The following PTPRS variants were observed in gnomAD, a reference collection of about 807,000 sequenced individuals.
The protein encoded by PTPRS is protein tyrosine phosphatase receptor type S.
Under a neutral mutation model 215.3 loss-of-function variants are expected in PTPRS, and 63 were observed. The ratio of observed to expected loss-of-function variants is 0.29; its 90% confidence interval spans 0.24 to 0.36. The LOEUF (loss-of-function observed/expected upper bound fraction) is 0.36, where lower values mean the gene tolerates loss of function less well. Ranked by LOEUF, PTPRS falls within the 10% of genes least tolerant of loss-of-function variation. PTPRS has a pLI of 1.00. For synonymous variants in PTPRS, 1,404 were observed against 1,191.4 expected (o/e 1.18, Z -3.68); for missense variants, 2,258 against 2,825.8 (o/e 0.80, Z 4.56).
rs1261015396 is a variant in PTPRS, at chr19:5,231,323, G to A, written c.2142C>T (p.Arg714=). The A allele has an allele frequency of 3.7e-6, 6 of 1,608,570 alleles. No homozygotes were observed. In the Middle Eastern group the frequency reaches 5.0e-4, roughly 134 times the overall value. The change falls in exon 14 of 38, where the codon CGC becomes CGT. Residue 714 remains arginine, a synonymous_variant. Transcript: ENST00000262963. ...GCAGGTACTTACCATCCTCGTCGGTGCGGACGACCACGGGCGAGCTCTCGG... is the reference window on the plus strand; with the variant it reads ...GCAGGTACTTACCATCCTCGTCGGTACGGACGACCACGGGCGAGCTCTCGG... ...PGPESSPVVV[R]TDEDVPSAPP... is the part of the protein sequence containing the mutation.
intron 1 of PTPRS, among the ~76,000 whole-genome samples, chr19:5,304,521 C>T (rs182172764): frequency 1.5e-4 from 23 of 151,974 alleles, no homozygotes; most frequent in Admixed American, 1.2e-3. Context: ...TGGTGGTGCA[C>T]GCCTGTAGTC....
At chr19:5,240,448 C>A (rs182808221) in intron 11 of PTPRS, 116 bp from the exon 12 acceptor site, 126 of 1,108,646 alleles carry the variant, frequency 1.1e-4, no homozygotes, top group African/African-American at 8.1e-4. Flanking sequence ...CTAGAATGTT[C>A]TTTTATTTTC....
At chr19:5,234,912 C>A (rs974542355) in intron 13 of PTPRS, among the ~76,000 whole-genome samples, 3 of 151,492 alleles carry the variant, frequency 2.0e-5, no homozygotes, top group Non-Finnish European at 1.5e-5. Context: ...AAGGGCCTTA[C>A]GGAATGTTAA....
In PTPRS at chr19:5,245,876, G is replaced by A; in HGVS notation, c.888C>T (p.Asn296=). The change falls in exon 10 of 38, where the codon AAC becomes AAT. Residue 296 remains asparagine (N), a synonymous_variant. Coordinates refer to ENST00000262963, the MANE Select transcript of PTPRS (RefSeq NM_002850.4). The stretch of plus-strand genomic sequence containing the variant: ...CCTTGACATCTGTGAGTTCCAGCAC[G>A]TTCCGACCCACGGGCATGTCATCCT... ...TPEDDMPVGR[N]VLELTDVKDS... 4 of 1,614,088 alleles carry A rather than the reference G, an allele frequency of 2.5e-6. No homozygotes were observed. Among genetic ancestry groups the A allele is most frequent in the Non-Finnish European group, 2.5e-6 (3 of 1,180,008 alleles).
At chr19:5,268,606 G>A (rs996278569) in intron 4 of PTPRS, among the ~76,000 whole-genome samples, 40 of 152,064 alleles carry the variant, frequency 2.6e-4, no homozygotes, top group African/African-American at 8.0e-4. Flanking sequence ...CCAGGATTAC[G>A]AGAGAGCGGC....
chr19:5,245,701 C>T, intron 10 of PTPRS, 75 bp downstream of exon 10: 1 of 1,498,978 alleles, frequency 6.7e-7, no homozygotes. Context: ...CCCACGCTGC[C>T]TCCCACCTGT....
At chr19:5,313,044 A>G (rs1731583846) in intron 1 of PTPRS, among the ~76,000 whole-genome samples, 1 of 152,190 alleles carries the variant, frequency 6.6e-6, no homozygotes, top group Non-Finnish European at 1.5e-5. Context: ...CCTCCCAAGT[A>G]GCTGGAATAA....
rs149934681 is a variant in PTPRS, at chr19:5,214,603, C to T, written c.4452G>A (p.Ser1484=). The T allele has an allele frequency of 3.4e-5, 55 of 1,612,550 alleles. No homozygotes were observed. The highest frequency in any genetic ancestry group is 2.7e-4 in the Admixed American group (16 of 60,016). Residue 1484 remains serine, a synonymous_variant, in exon 29 of 38, where the codon TCG becomes TCA. Transcript: ENST00000262963. ...GCCGCGTCATCATGACGATGGTCGC[C>T]GACCGCTGCTCCCACACCATACGCC... ...DFWRMVWEQR[S]ATIVMMTRLE... is the part of the protein sequence containing the mutation.
chr19:5,273,716 C>A, intron 3 of PTPRS, 133 bp from the exon 4 acceptor site: 2 of 1,140,384 alleles, frequency 1.8e-6, no homozygotes, highest in Non-Finnish European at 1.2e-6. Context: ...GGGAGAATTG[C>A]TGCAGGCTGA....
At position 5,224,595 on chromosome 19, in the gene PTPRS, C is replaced by T. The variant is rs921715488; in HGVS notation, c.2494+1132G>A. Among the ~76,000 whole-genome samples the T allele has an allele frequency of 5.9e-5, 9 of 152,208 alleles. No individual in the cohort carries two copies. The South Asian group carries it at 1.9e-3, about 31-fold the overall frequency. On this transcript the variant is annotated intron_variant, in intron 17 of 37. Coordinates refer to ENST00000262963, the MANE Select transcript of PTPRS (RefSeq NM_002850.4). ...TACATGAAAATGGACTTCTCTACTGCAGGACTTATCAGGGCCTTGAATGGA... is the reference window on the plus strand; with the variant it reads ...TACATGAAAATGGACTTCTCTACTGTAGGACTTATCAGGGCCTTGAATGGA...
chr19:5,274,307 G>C lies in PTPRS; in HGVS notation c.129C>G (p.Ile43Met). Residue 43 changes from isoleucine (I) to methionine (M), a missense_variant, in exon 3 of 38, where the codon ATC (isoleucine) becomes ATG (methionine). Physicochemically the swap from Ile to Met is conservative, Grantham distance 10. Around this residue, in one of 6 missense-constraint regions of PTPRS, gnomAD observed 508 missense variants for 799.4 expected, o/e 0.64. Coordinates refer to ENST00000262963, the MANE Select transcript of PTPRS (RefSeq NM_002850.4). ...AAGAGGCCACACCCCCCGACACGCC[G>C]ATCTGGTCCTTGGGTTCTTTGATAA... ...PRFIKEPKDQ[I>M]GVSGGVASFV... The C allele has an allele frequency of 6.2e-7, 1 of 1,613,674 alleles. No homozygotes were observed. The highest frequency in any genetic ancestry group is 8.5e-7 in the Non-Finnish European group (1 of 1,179,794).
At chr19:5,336,333 C>T (rs1310578117) in intron 1 of PTPRS, among the ~76,000 whole-genome samples, 2 of 151,474 alleles carry the variant, frequency 1.3e-5, no homozygotes, top group Non-Finnish European at 2.9e-5. Flanking sequence ...ACCCAGGTGT[C>T]ACCTGTTTCC....
At chr19:5,292,505 G>A (rs1157515827) in intron 1 of PTPRS, among the ~76,000 whole-genome samples, 1 of 152,126 alleles carries the variant, frequency 6.6e-6, no homozygotes, top group Non-Finnish European at 1.5e-5. Flanking sequence ...GACGGGAATG[G>A]GTAAAAGAAA....
At chr19:5,271,877 A>C (rs2046941932) in intron 4 of PTPRS, among the ~76,000 whole-genome samples, 1 of 151,160 alleles carries the variant, frequency 6.6e-6, no homozygotes, top group Non-Finnish European at 1.5e-5. Flanking sequence ...GGTGCACGTC[A>C]CCTCACCCAC....
chr19:5,239,123 C>G, intron 12 of PTPRS, 60 bp from the exon 13 acceptor site: 3 of 1,195,508 alleles, frequency 2.5e-6, no homozygotes, highest in Admixed American at 2.4e-5. Flanking sequence ...GAGACAGAAA[C>G]AAAGGGGAGA....
At chr19:5,260,876 G>A (rs939612231) in intron 6 of PTPRS, 54 bp from the exon 7 acceptor site, 1 of 1,602,712 alleles carries the variant, frequency 6.2e-7, no homozygotes, top group Non-Finnish European at 8.5e-7. Flanking sequence ...TTGTTGGGGG[G>A]CCGGGGGGCC....
In PTPRS at chr19:5,205,582, G is replaced by C. The variant is rs1379684833; in HGVS notation, c.*1192C>G. Among the ~76,000 whole-genome samples the C allele has an allele frequency of 1.3e-5, 2 of 152,178 alleles. No individual in the cohort carries two copies. Among genetic ancestry groups the C allele is most frequent in the African/African-American group, 4.8e-5 (2 of 41,430 alleles). ...GTGGGAAAACCACCCGGCTGCTTCCGCTGGAATAAACAGTGTTGAAAGTAA... is the reference window on the plus strand; with the variant it reads ...GTGGGAAAACCACCCGGCTGCTTCCCCTGGAATAAACAGTGTTGAAAGTAA... On this transcript the variant is annotated 3_prime_UTR_variant, in exon 38 of 38. Coordinates refer to ENST00000262963, the MANE Select transcript of PTPRS (RefSeq NM_002850.4).
At position 5,212,377 on chromosome 19, in the gene PTPRS, A is replaced by G. The variant is rs544938921; in HGVS notation, c.4729T>C (p.Cys1577Arg). The G allele has an allele frequency of 6.2e-7, 1 of 1,609,554 alleles. No homozygotes were observed. Among genetic ancestry groups the G allele is most frequent in the African/African-American group, 1.3e-5 (1 of 74,976 alleles). Residue 1577 changes from cysteine (C) to arginine (R), a missense_variant, in exon 31 of 38, where the codon TGC becomes CGC. Around this residue, in one of 6 missense-constraint regions of PTPRS, gnomAD observed 927 missense variants for 1,125.9 expected, o/e 0.82. Coordinates refer to ENST00000262963, the MANE Select transcript of PTPRS (RefSeq NM_002850.4). ...FLAFLRRVKT[C>R]NPPDAGPIVV... ...ATGGGGCCGGCATCTGGCGGGTTGC[A>G]GGTCTTGACTCTCCGCAGGAAAGCC...
chr19:5,333,550 T>TG (rs2050398146), intron 1 of PTPRS, among the ~76,000 whole-genome samples: 2 of 151,460 alleles, frequency 1.3e-5, no homozygotes, highest in South Asian at 2.1e-4. Context: ...CTCCTTGGGG[T>TG]GGGGGGTCCT....
Sources: allele counts gnomAD v4.1 joint callset (sites outside exome capture counted in the v4.1 genomes callset), GRCh38; gene constraint gnomAD v4.1.1; regional missense constraint gnomAD v4.1.1; transcripts MANE v1.5; gene names NCBI Gene and HGNC (gene_info 2026-07-23, HGNC 2026-07-21).